SPMIP2: variants seen among roughly 807,000 people sequenced by gnomAD.
SPMIP2 encodes sperm microtubule inner protein 2.
At chr4:158,998,743 GT>G in the SPMIP2 span, among the ~76,000 whole-genome samples, 1 of 152,322 alleles carries the variant, frequency 6.6e-6, no homozygotes, top group African/African-American at 2.4e-5. Flanking sequence ...GAGCTGAGAG[GT>G]ATGCATAGCT....
At chr4:158,934,080 C>G in the SPMIP2 span, among the ~76,000 whole-genome samples, 33 of 152,132 alleles carry the variant, frequency 2.2e-4, no homozygotes, top group Non-Finnish European at 3.5e-4. Flanking sequence ...TTTTTACATA[C>G]TCAAGATCAG....
chr4:159,059,501 T>C, the SPMIP2 span, among the ~76,000 whole-genome samples: 1 of 152,186 alleles, frequency 6.6e-6, no homozygotes, highest in Non-Finnish European at 1.5e-5. Context: ...GCCTCCCAAG[T>C]AACTGGGGTT....
the SPMIP2 span, among the ~76,000 whole-genome samples, chr4:158,981,460 G>A: frequency 6.6e-6 from 1 of 152,132 alleles, no homozygotes; most frequent in Non-Finnish European, 1.5e-5. Context: ...CAGAGAGAAA[G>A]GTTGGGTTGG....
the SPMIP2 span, among the ~76,000 whole-genome samples, chr4:158,957,771 AC>A: frequency 6.6e-6 from 1 of 152,124 alleles, no homozygotes; most frequent in African/African-American, 2.4e-5. Context: ...CTCTCAGTAA[AC>A]ACTTATCTGA....
At chr4:158,971,415 C>CA in the SPMIP2 span, among the ~76,000 whole-genome samples, 1 of 152,186 alleles carries the variant, frequency 6.6e-6, no homozygotes, top group Non-Finnish European at 1.5e-5. Context: ...CTCAGCTTGT[C>CA]ACTCAGAAAC....
At chr4:159,001,652 C>T in the SPMIP2 span, among the ~76,000 whole-genome samples, 109 of 152,192 alleles carry the variant, frequency 7.2e-4, 1 homozygote, top group South Asian at 4.1e-4. Flanking sequence ...CAGTTCTATC[C>T]ATGTTCCCAC....
the SPMIP2 span, among the ~76,000 whole-genome samples, chr4:159,078,434 T>C: frequency 2.2e-4 from 34 of 152,312 alleles, no homozygotes; most frequent in Middle Eastern, 0.01. Context: ...TGGAAATGGC[T>C]CTGTCCTAAG....
chr4:159,034,399 T>C, the SPMIP2 span, among the ~76,000 whole-genome samples: 2 of 152,252 alleles, frequency 1.3e-5, no homozygotes, highest in Non-Finnish European at 2.9e-5. Context: ...TTAATAAAAA[T>C]TCGATGAAAA....
chr4:159,043,319 G>A, the SPMIP2 span, among the ~76,000 whole-genome samples: 1 of 152,044 alleles, frequency 6.6e-6, no homozygotes, highest in Non-Finnish European at 1.5e-5. Context: ...TTTTCATAGT[G>A]GAATAGAAAT....
At chr4:159,062,148 G>A in the SPMIP2 span, among the ~76,000 whole-genome samples, 1 of 152,216 alleles carries the variant, frequency 6.6e-6, no homozygotes, top group African/African-American at 2.4e-5. Context: ...GGGTTAGAAG[G>A]AGGGGATGTC....
the SPMIP2 span, among the ~76,000 whole-genome samples, chr4:159,034,835 G>C: frequency 6.6e-6 from 1 of 151,940 alleles, no homozygotes; most frequent in South Asian, 2.1e-4. Flanking sequence ...AGGTTGCAGT[G>C]AGCCGAGATC....
At chr4:159,073,235 C>G in the SPMIP2 span, among the ~76,000 whole-genome samples, 2 of 152,110 alleles carry the variant, frequency 1.3e-5, no homozygotes, top group Admixed American at 6.5e-5. Context: ...CTCACTGCAG[C>G]CTCGACCTCC....
chr4:158,944,819 CT>C, the SPMIP2 span, among the ~76,000 whole-genome samples: 1 of 152,182 alleles, frequency 6.6e-6, no homozygotes, highest in African/African-American at 2.4e-5. Context: ...TCTGTTCCTC[CT>C]CTCCACTTTG....
chr4:158,983,709 A>G, the SPMIP2 span, among the ~76,000 whole-genome samples: 4 of 84,330 alleles, frequency 4.7e-5, no homozygotes, highest in African/African-American at 1.4e-4. Flanking sequence ...TGTAAAGACC[A>G]TCGAGACTAG....
At chr4:159,035,020 A>G in the SPMIP2 span, 1 of 1,607,354 alleles carries the variant, frequency 6.2e-7, no homozygotes, top group African/African-American at 1.3e-5. Context: ...AAGCAAACAC[A>G]AAAACTATTT....
the SPMIP2 span, among the ~76,000 whole-genome samples, chr4:158,908,836 G>A: frequency 1.3e-5 from 2 of 152,038 alleles, no homozygotes; most frequent in African/African-American, 2.4e-5. Context: ...ACAGGCATGC[G>A]CCACCACAAC....
the SPMIP2 span, chr4:159,038,885 G>C: frequency 1.3e-5 from 2 of 152,590 alleles, no homozygotes; most frequent in African/African-American, 4.8e-5. Context: ...CATTGCTAGA[G>C]AGTCATCACT....
the SPMIP2 span, among the ~76,000 whole-genome samples, chr4:158,913,605 T>C: frequency 3.3e-5 from 5 of 152,194 alleles, no homozygotes; most frequent in African/African-American, 9.6e-5. Flanking sequence ...TAAATTGTAC[T>C]GTGTTTATGT....
the SPMIP2 span, among the ~76,000 whole-genome samples, chr4:159,015,573 A>G: frequency 6.6e-6 from 1 of 152,212 alleles, no homozygotes; most frequent in Non-Finnish European, 1.5e-5. Context: ...TGTCATATAA[A>G]AGTTTCAAGA....
Sources: allele counts gnomAD v4.1 joint callset (sites outside exome capture counted in the v4.1 genomes callset), GRCh38; gene constraint gnomAD v4.1.1; transcripts MANE v1.5; gene names NCBI Gene and HGNC (gene_info 2026-07-23, HGNC 2026-07-21).